Variants in SLC19A1 observed in about 807,000 individuals in gnomAD.
The protein encoded by SLC19A1 is reduced folate transporter.
SLC19A1 carries 37 observed loss-of-function variants against 35.3 expected under a neutral mutation model. The observed-to-expected ratio is 1.05, with a 90% CI of 0.81 to 1.38. The LOEUF is 1.38. SLC19A1 is among the 40% of genes most tolerant of loss of function. The pLI, the probability that SLC19A1 is intolerant of heterozygous loss-of-function variation, is 0.00. For synonymous variants in SLC19A1, 460 were observed against 398.5 expected, an observed-to-expected ratio of 1.15 and a Z score of -1.84; for missense variants, 831 against 826.9, an observed-to-expected ratio of 1.00 and a Z score of -0.06.
downstream of SLC19A1, among the ~76,000 whole-genome samples, chr21:45,511,403 C>T (rs2037600619): frequency 6.6e-6 from 1 of 152,136 alleles, no homozygotes; most frequent in East Asian, 1.9e-4. Context: ...TCTGAGAAGT[C>T]ATCATTAGCA....
chr21:45,520,482 A>G (rs1427115177), intron 5 of SLC19A1, among the ~76,000 whole-genome samples: 7 of 152,236 alleles, frequency 4.6e-5, no homozygotes, highest in Non-Finnish European at 8.8e-5. Flanking sequence ...CAAATAAGTA[A>G]TCTCAGCAAA....
chr21:45,544,736 G>A (rs963379436), upstream of SLC19A1, among the ~76,000 whole-genome samples: 2 of 152,082 alleles, frequency 1.3e-5, no homozygotes, highest in Non-Finnish European at 2.9e-5. Flanking sequence ...GCTGCAGGCC[G>A]CAGAGACCCC....
chr21:45,511,305 TC>T (rs376168075), downstream of SLC19A1: 1 of 755,834 alleles, frequency 1.3e-6, no homozygotes. Context: ...ATCTGCAGTT[TC>T]CCCCCGAGTT....
At chr21:45,532,317 T>C (rs1569005108) in intron 2 of SLC19A1, among the ~76,000 whole-genome samples, 169 bp from the exon 3 acceptor site, 1 of 152,212 alleles carries the variant, frequency 6.6e-6, no homozygotes, top group Non-Finnish European at 1.5e-5. Flanking sequence ...TCGTCCTCTC[T>C]GAACAGGGAC....
At chr21:45,510,393 C>G (rs9983050), downstream of SLC19A1, 242 of 1,064,022 alleles carry the variant, frequency 2.3e-4, no homozygotes, top group Non-Finnish European at 3.1e-4. Flanking sequence ...CCTAGGCTGG[C>G]GACTTCAGGG....
Position 45,517,979 on chromosome 21 carries a change from TA to T in SLC19A1, c.1294-1840del, listed in dbSNP as rs1383594279. 6.6e-6 allele frequency among the ~76,000 whole-genome samples: 1 copy of T among 152,112 alleles called. No homozygotes were observed. The highest frequency in any genetic ancestry group is 1.5e-5 in the Non-Finnish European group (1 of 68,020). On this transcript the variant is annotated intron_variant, in intron 5 of 5. Transcript: ENST00000311124. The surrounding 1 kb of genome is among the most constrained non-coding windows in gnomAD (Gnocchi z 4.4). ...CATACCCAAAATGCTTGCATCTCAC[TA>T]AAAAATCCCTTGGCACACTAAACCA...
At chr21:45,550,186 C>T (rs904381191) in intron 1 of SLC19A1, among the ~76,000 whole-genome samples, 1 of 152,164 alleles carries the variant, frequency 6.6e-6, no homozygotes, top group Admixed American at 6.5e-5. Context: ...CCTGGTCTCT[C>T]CCACACCCCA....
chr21:45,532,243 C>T, intron 2 of SLC19A1, 95 bp from the exon 3 acceptor site: 1 of 1,025,704 alleles, frequency 9.7e-7, no homozygotes. Context: ...TGACGGCTTC[C>T]TGCCCCAACA....
chr21:45,504,306 C>A, intron 3 of SLC19A1: 1 of 1,133,740 alleles, frequency 8.8e-7, no homozygotes. Context: ...AGCTCCCAGG[C>A]CTGGGCTCCG....
At chr21:45,519,063 G>A (rs2077359954) in intron 5 of SLC19A1, among the ~76,000 whole-genome samples, 2 of 152,130 alleles carry the variant, frequency 1.3e-5, no homozygotes, top group South Asian at 4.1e-4. Flanking sequence ...GGTATGTAGA[G>A]AAAATATTTA....
rs34594751 is a variant in SLC19A1, at chr21:45,562,129, C to CAAAA, written c.-50+609_-50+612dup. Among the ~76,000 whole-genome samples the CAAAA allele has an allele frequency of 3.5e-3, 428 of 121,538 alleles. 7 individuals carry two copies. Among genetic ancestry groups the CAAAA allele is most frequent in the African/African-American group, 0.013 (402 of 31,152 alleles). 79.7% of individuals were successfully genotyped at this position (121,538 alleles called of 152,430 possible). A position where few individuals can be genotyped will look rare whatever the true frequency, so the allele number is the denominator to read the frequency against. On this transcript the variant is annotated intron_variant, in intron 1 of 5. Transcript: ENST00000650808. Reference sequence around the variant, plus strand: ...CTGGCAACAGATCAAGACTCTGTCTCAAAAAAAAAAAAAAAAAAAGACAAA... The same window carrying CAAAA: ...CTGGCAACAGATCAAGACTCTGTCTCAAAAAAAAAAAAAAAAAAAAAAAGACAAA...
intron 3 of SLC19A1, chr21:45,507,319 T>G (rs1159929611): frequency 3.7e-6 from 2 of 539,896 alleles, no homozygotes; most frequent in African/African-American, 2.1e-5. Flanking sequence ...CACCCTCCTG[T>G]GGGCTGGCAG....
Position 45,515,439 on chromosome 21 carries a change from G to GC in SLC19A1, c.*218_*219insG. The GC allele has an allele frequency of 6.8e-7, 1 of 1,460,554 alleles. No homozygotes were observed. The highest frequency in any genetic ancestry group is 9.0e-7 in the Non-Finnish European group (1 of 1,116,766). 90.5% of individuals were successfully genotyped at this position (1,460,554 alleles called of 1,614,324 possible). A position where few individuals can be genotyped will look rare whatever the true frequency, so the allele number is the denominator to read the frequency against. On this transcript the variant is annotated 3_prime_UTR_variant, in exon 6 of 6. Coordinates refer to ENST00000311124, the MANE Select transcript of SLC19A1 (RefSeq NM_194255.4). ...CACCTCTTCCAGCAACAAAGCCCGC[G>GC]GGGCACAGTGCAGGGACAGCATGGC...
rs778822221 is a variant in SLC19A1, at chr21:45,530,853, CGT to C, written c.1066_1067del (p.Thr356AlafsTer37). Reference protein sequence around the residue: ...QAGLVFLLAHTRHPSSIWLCY... With the variant: ...QAGLVFLLAHXRHPSSIWLCY... ...ACAGCCAGATGCTGCTCGGGTGGCG[CGT>C]GTGCGCCAGAAGGAAGACCAGCCCC... On this transcript the variant is annotated frameshift_variant, in exon 4 of 6. Coordinates refer to ENST00000311124, the MANE Select transcript of SLC19A1 (RefSeq NM_194255.4). LOFTEE classifies it high-confidence loss of function. The surrounding 1 kb of genome is among the most constrained non-coding windows in gnomAD (Gnocchi z 5.3). 40 of 1,499,872 alleles carry C rather than the reference CGT, an allele frequency of 2.7e-5. No homozygotes were observed. The highest frequency in any genetic ancestry group is 3.6e-5 in the Non-Finnish European group (40 of 1,124,090). 92.9% of individuals were successfully genotyped at this position (1,499,872 alleles called of 1,614,324 possible). A position where few individuals can be genotyped will look rare whatever the true frequency, so the allele number is the denominator to read the frequency against.
At chr21:45,557,486 C>A (rs1021049985) in intron 1 of SLC19A1, among the ~76,000 whole-genome samples, 1 of 152,130 alleles carries the variant, frequency 6.6e-6, no homozygotes, top group African/African-American at 2.4e-5. Context: ...CGGTTGGGCC[C>A]GGAGGCTGCT....
At chr21:45,512,512 C>T (rs1479875471), downstream of SLC19A1, 8 of 908,338 alleles carry the variant, frequency 8.8e-6, no homozygotes, top group East Asian at 1.0e-4. Flanking sequence ...CCATACTTTC[C>T]TGTATAGTTC....
intron 3 of SLC19A1, chr21:45,505,785 C>CA: frequency 2.2e-6 from 3 of 1,341,196 alleles, no homozygotes; most frequent in Non-Finnish European, 3.1e-6. Flanking sequence ...CCTTCCGCCC[C>CA]TGCCCCCCGC....
upstream of SLC19A1, among the ~76,000 whole-genome samples, chr21:45,543,419 C>T (rs1392275744): frequency 2.0e-5 from 3 of 152,230 alleles, no homozygotes; most frequent in Admixed American, 6.5e-5. Context: ...CACCGTGGTA[C>T]CCACAGCTCA....
At position 45,525,875 on chromosome 21, in the gene SLC19A1, G is replaced by C. The variant is rs2077596365; in HGVS notation, c.1235C>G (p.Thr412Ser). ...VNTFFATIVKTIITFIVSDVR... is the reference protein window; with the variant it reads ...VNTFFATIVKSIITFIVSDVR... ...GTCCGAGACAATGAAAGTGATGATG[G>C]TCTTGACGATGGTGGCAAAGAACGT... The change falls in exon 5 of 6, where the codon ACC becomes AGC. Residue 412 changes from threonine to serine, a missense_variant. Transcript: ENST00000311124. The C allele has an allele frequency of 1.2e-6, 2 of 1,613,662 alleles. No individual in the cohort carries two copies. Among genetic ancestry groups the C allele is most frequent in the African/African-American group, 2.7e-5 (2 of 75,076 alleles).
Sources: gnomAD v4.1 joint callset for allele counts (sites outside exome capture counted in the v4.1 genomes callset) on GRCh38, gnomAD v4.1.1 for gene constraint, Gnocchi (gnomAD v3.1) non-coding constraint, MANE v1.5 for transcripts, NCBI Gene and HGNC (gene_info 2026-07-23, HGNC 2026-07-21) for gene names.